Variants in ATXN7L1 observed in about 807,000 individuals in gnomAD.
The protein encoded by ATXN7L1 is ataxin-7-like protein 1.
A neutral mutation model predicts 70.8 loss-of-function variants in ATXN7L1; 15 were observed. That is an observed-to-expected ratio of 0.21 (90% CI 0.14 to 0.33). ATXN7L1 has a LOEUF of 0.33. Ranked by LOEUF, ATXN7L1 falls within the 10% of genes least tolerant of loss-of-function variation. The pLI is 1.00. For missense variants in ATXN7L1, 975 were observed against 1,097.1 expected, an observed-to-expected ratio of 0.89 and a Z score of 1.57; for synonymous variants, 440 against 445.1, an observed-to-expected ratio of 0.99 and a Z score of 0.14.
intron 2 of ATXN7L1, among the ~76,000 whole-genome samples, chr7:105,799,210 C>A (rs1205405984): frequency 6.6e-6 from 1 of 152,204 alleles, no homozygotes; most frequent in Non-Finnish European, 1.5e-5. Flanking sequence ...CAAGGAGAGG[C>A]CTTTGCCAGT....
intron 3 of ATXN7L1, among the ~76,000 whole-genome samples, chr7:105,762,446 C>T (rs188985692): frequency 6.6e-6 from 1 of 152,290 alleles, no homozygotes; most frequent in East Asian, 1.9e-4. Flanking sequence ...TCATAGGTGG[C>T]TTTGCTTTTG....
intron 2 of ATXN7L1, among the ~76,000 whole-genome samples, chr7:105,838,928 G>A (rs940536188): frequency 6.6e-6 from 1 of 152,298 alleles, no homozygotes; most frequent in Admixed American, 6.5e-5. Context: ...ACTCCCAACA[G>A]AAAAGCAAAG....
In ATXN7L1 at chr7:105,606,509, T is replaced by C. The variant is rs1418391281; in HGVS notation, c.*1343A>G. 6.6e-6 allele frequency: 1 copy of C among 152,250 alleles called. No individual in the cohort carries two copies. Among genetic ancestry groups the C allele is most frequent in the Non-Finnish European group, 1.5e-5 (1 of 68,050 alleles). The allele number at this position is 152,250 out of a possible 1,614,324, so 9.4% of individuals were successfully genotyped here. On this transcript the variant is annotated 3_prime_UTR_variant, in exon 12 of 12. Coordinates refer to ENST00000419735, the MANE Select transcript of ATXN7L1 (RefSeq NM_020725.2). The stretch of plus-strand genomic sequence containing the variant: ...TACATCATATACAAAGTTACATGAT[T>C]AATAGCACAGAACACCTATTTTATG...
At chr7:105,636,486 T>G (rs1024982159) in intron 7 of ATXN7L1, among the ~76,000 whole-genome samples, 7 of 151,412 alleles carry the variant, frequency 4.6e-5, no homozygotes, top group Non-Finnish European at 1.0e-4. Context: ...AACATTCTTT[T>G]CTCTGATTAA....
chr7:105,638,071 G>C (rs1364641103), intron 7 of ATXN7L1, among the ~76,000 whole-genome samples: 1 of 152,166 alleles, frequency 6.6e-6, no homozygotes, highest in East Asian at 1.9e-4. Flanking sequence ...CACACTGTCT[G>C]ATATAAGATC....
At chr7:105,732,646 G>A (rs908459571) in intron 3 of ATXN7L1, among the ~76,000 whole-genome samples, 5 of 152,194 alleles carry the variant, frequency 3.3e-5, no homozygotes, top group African/African-American at 1.2e-4. Flanking sequence ...AAGCAGCATG[G>A]TGCCTATGTT....
At chr7:105,844,598 T>C (rs947279582) in intron 2 of ATXN7L1, among the ~76,000 whole-genome samples, 1 of 152,206 alleles carries the variant, frequency 6.6e-6, no homozygotes, top group African/African-American at 2.4e-5. Flanking sequence ...AGTGTATTTA[T>C]GAAAAGCCCA....
At chr7:105,815,950 A>T (rs578162386) in intron 2 of ATXN7L1, among the ~76,000 whole-genome samples, 1 of 152,362 alleles carries the variant, frequency 6.6e-6, no homozygotes, top group Admixed American at 6.5e-5. Context: ...AAAGGCAATT[A>T]TTAAAAGAAA....
At chr7:105,781,989 C>T (rs550800043) in intron 3 of ATXN7L1, among the ~76,000 whole-genome samples, 51 of 152,222 alleles carry the variant, frequency 3.4e-4, no homozygotes, top group Middle Eastern at 3.4e-3. Context: ...CAACACTACG[C>T]CTGGCTAATA....
At chr7:105,802,172 G>A (rs1430577292) in intron 2 of ATXN7L1, among the ~76,000 whole-genome samples, 1 of 152,174 alleles carries the variant, frequency 6.6e-6, no homozygotes, top group East Asian at 1.9e-4. Context: ...CAAGTGGAAC[G>A]AGTCAAGGCA....
chr7:105,717,090 C>T (rs536677722), intron 3 of ATXN7L1, among the ~76,000 whole-genome samples: 1 of 152,002 alleles, frequency 6.6e-6, no homozygotes, highest in Admixed American at 6.6e-5. Context: ...ATGCTGTTTC[C>T]CCCCACTTTT....
chr7:105,697,906 C>T (rs908237668), intron 3 of ATXN7L1, among the ~76,000 whole-genome samples: 1 of 152,232 alleles, frequency 6.6e-6, no homozygotes, highest in Non-Finnish European at 1.5e-5. Context: ...GATGTTTATA[C>T]TCCTCCGAGC....
At chr7:105,778,965 A>G (rs1584984077) in intron 3 of ATXN7L1, among the ~76,000 whole-genome samples, 1 of 152,242 alleles carries the variant, frequency 6.6e-6, no homozygotes, top group African/African-American at 2.4e-5. Flanking sequence ...AGTGGTGTGG[A>G]TTAAAATGAG....
At chr7:105,786,592 C>T (rs1170254064) in intron 3 of ATXN7L1, among the ~76,000 whole-genome samples, 7 of 152,200 alleles carry the variant, frequency 4.6e-5, no homozygotes, top group Admixed American at 2.6e-4. Flanking sequence ...ACAATCATAG[C>T]TCACAGCAAC....
intron 2 of ATXN7L1, among the ~76,000 whole-genome samples, chr7:105,817,209 C>T (rs1809325590): frequency 6.6e-6 from 1 of 152,146 alleles, no homozygotes; most frequent in Admixed American, 6.5e-5. Flanking sequence ...TGTCAATATG[C>T]ACCCTCTACC....
At chr7:105,734,544 CGT>C (rs1177401283) in intron 3 of ATXN7L1, among the ~76,000 whole-genome samples, 1 of 152,228 alleles carries the variant, frequency 6.6e-6, no homozygotes, top group East Asian at 1.9e-4. Context: ...CTGACTCAAG[CGT>C]GCACCAGCTC....
At chr7:105,658,754 G>A (rs1224695117) in intron 4 of ATXN7L1, among the ~76,000 whole-genome samples, 1 of 151,852 alleles carries the variant, frequency 6.6e-6, no homozygotes, top group Non-Finnish European at 1.5e-5. Flanking sequence ...GGCTGGTCTC[G>A]AACTCTTGAC....
rs1792777663 is a variant in ATXN7L1 at position 105,606,659 on chromosome 7, T to TCTTCACTGAGCAGTGGCTGTC, written c.*1172_*1192dup. On this transcript the variant is annotated 3_prime_UTR_variant, in exon 12 of 12. Transcript: ENST00000419735. ...CAGCGTGGCTCTTCCAAATGGCTGT[T>TCTTCACTGAGCAGTGGCTGTC]CTTCACTGAGCAGTGGCTGTCCTTA... 1 of 152,304 alleles carries TCTTCACTGAGCAGTGGCTGTC rather than the reference T, an allele frequency of 6.6e-6. No individual in the cohort carries two copies. The highest frequency in any genetic ancestry group is 2.4e-5 in the African/African-American group (1 of 41,436). The allele number at this position is 152,304 out of a possible 1,614,324, so 9.4% of individuals were successfully genotyped here.
intron 3 of ATXN7L1, among the ~76,000 whole-genome samples, chr7:105,692,186 GAC>G (rs1430409316): frequency 6.6e-6 from 1 of 152,162 alleles, no homozygotes; most frequent in Non-Finnish European, 1.5e-5. Context: ...GGTGTCACAT[GAC>G]ACACTGCGGT....
Sources: gnomAD v4.1 joint callset for allele counts (sites outside exome capture counted in the v4.1 genomes callset) on GRCh38, gnomAD v4.1.1 for gene constraint, MANE v1.5 for transcripts, NCBI Gene and HGNC (gene_info 2026-07-23, HGNC 2026-07-21) for gene names.